Variants in RALGAPA1 observed in about 807,000 individuals in gnomAD.
RALGAPA1 encodes the protein Ral GTPase activating protein catalytic subunit alpha 1.
Under a neutral mutation model 269.6 loss-of-function variants are expected in RALGAPA1, and 52 were observed. The ratio of observed to expected loss-of-function variants is 0.19; its 90% CI spans 0.15 to 0.24. RALGAPA1 has a LOEUF of 0.24. Ranked by LOEUF, RALGAPA1 falls within the 10% of genes least tolerant of loss-of-function variation. RALGAPA1 has a pLI of 1.00. For synonymous variants in RALGAPA1, 817 were observed against 1,008.3 expected (o/e 0.81, Z 3.60); for missense variants, 1,917 against 3,013.9 (o/e 0.64, Z 8.52).
chr14:35,721,776 G>A lies in RALGAPA1; in HGVS notation c.2178C>T (p.Gly726=). Residue 726 remains glycine, a synonymous_variant, in exon 16 of 42, where the codon GGC becomes GGT. Coordinates refer to ENST00000680220, the MANE Select transcript of RALGAPA1 (RefSeq NM_001346249.2). ...FSRGWSRDQP[G]QAPMRQRSAT... ...CACTCCTCTGTCTCATTGGGGCTTGGCCAGGCTGATCACGACTCCATCCTC... is the reference window on the plus strand; with the variant it reads ...CACTCCTCTGTCTCATTGGGGCTTGACCAGGCTGATCACGACTCCATCCTC... The A allele has an allele frequency of 6.2e-7, 1 of 1,612,494 alleles. No homozygotes were observed. Among genetic ancestry groups the A allele is most frequent in the Non-Finnish European group, 8.5e-7 (1 of 1,178,642 alleles).
intron 11 of RALGAPA1, among the ~76,000 whole-genome samples, chr14:35,742,049 T>C (rs751352694): frequency 3.3e-5 from 5 of 152,230 alleles, no homozygotes; most frequent in Non-Finnish European, 7.3e-5. Context: ...TGAAAGTATG[T>C]ATTTTAAAAT....
At chr14:35,597,848 A>C (rs1379455938) in intron 36 of RALGAPA1, among the ~76,000 whole-genome samples, 1 of 152,202 alleles carries the variant, frequency 6.6e-6, no homozygotes, top group African/African-American at 2.4e-5. Flanking sequence ...TCTTTTTGTT[A>C]ATGATTTCAA....
At chr14:35,679,026 G>T (rs895772109) in intron 21 of RALGAPA1, among the ~76,000 whole-genome samples, 1 of 152,140 alleles carries the variant, frequency 6.6e-6, no homozygotes, top group Non-Finnish European at 1.5e-5. Context: ...TATAAACTTT[G>T]TAAGAACAGA....
At chr14:35,563,020 C>CAAAAAAAAAAAAAAAAAAA (rs71445944) in intron 39 of RALGAPA1, among the ~76,000 whole-genome samples, 4 of 37,256 alleles carry the variant, frequency 1.1e-4, no homozygotes, top group African/African-American at 3.6e-4. Context: ...GAGTCCGTCT[C>CAAAAAAAAAAAAAAAAAAA]AAAAAAAAAA....
In RALGAPA1 at chr14:35,647,664, G is replaced by A. The variant is rs141081522; in HGVS notation, c.5676+4141C>T. Reference sequence around the variant, plus strand: ...AGAGAGGAATGTATAATTATAAAGAGGTTTAAGGGCAGGTGTGGTGGCTCA... The same window carrying A: ...AGAGAGGAATGTATAATTATAAAGAAGTTTAAGGGCAGGTGTGGTGGCTCA... On this transcript the variant is annotated intron_variant, in intron 31 of 41. Transcript: ENST00000680220. 4.1e-3 allele frequency among the ~76,000 whole-genome samples: 627 copies of A among 152,234 alleles called. 3 individuals are homozygous for A. The highest frequency in any genetic ancestry group is 0.015 in the African/African-American group (605 of 41,558).
chr14:35,689,355 T>C lies in RALGAPA1; in HGVS notation c.3056A>G (p.Asn1019Ser). 1 of 1,232,328 alleles carries C rather than the reference T, an allele frequency of 8.1e-7. No homozygotes were observed. The highest frequency in any genetic ancestry group is 1.0e-6 in the Non-Finnish European group (1 of 988,102). 76.3% of individuals were successfully genotyped at this position (1,232,328 alleles called of 1,614,324 possible). A position where few individuals can be genotyped will look rare whatever the true frequency, so the allele number is the denominator to read the frequency against. Residue 1019 changes from asparagine to serine, a missense_variant, in exon 18 of 42, where the codon AAT (asparagine) becomes AGT (serine). Asn to Ser is a conservative substitution (Grantham distance 46). Transcript: ENST00000680220. ...KEPNSAVFMS[N>S]IAPNQSDSFF... ...ACTGTCTGACTGGTTAGGTGCGATA[T>C]TACTCATGAAGACAGCTGAGTTTGG...
At chr14:35,654,302 A>T (rs1199629533) in intron 30 of RALGAPA1, 65 bp downstream of exon 30, 10 of 1,434,092 alleles carry the variant, frequency 7.0e-6, no homozygotes. Context: ...TAATTTTACA[A>T]TTCAAAGTAT....
intron 1 of RALGAPA1, among the ~76,000 whole-genome samples, chr14:35,780,264 C>T (rs1465242029): frequency 6.6e-6 from 1 of 152,132 alleles, no homozygotes; most frequent in East Asian, 1.9e-4. Context: ...AAGGAATATA[C>T]ACACAATTCA....
chr14:35,722,170 T>C (rs2069478625), intron 15 of RALGAPA1, among the ~76,000 whole-genome samples: 1 of 152,204 alleles, frequency 6.6e-6, no homozygotes, highest in Non-Finnish European at 1.5e-5. Flanking sequence ...ACCCATCCTG[T>C]GGTGATGATT....
chr14:35,609,226 C>CA lies in RALGAPA1; in HGVS notation c.6930-3518dup, dbSNP rs1230276755. 4.4e-3 allele frequency among the ~76,000 whole-genome samples: 469 copies of CA among 105,852 alleles called. 2 individuals carry two copies. The highest frequency in any genetic ancestry group is 0.011 in the Middle Eastern group (2 of 180). 69.4% of individuals were successfully genotyped at this position (105,852 alleles called of 152,430 possible). On this transcript the variant is annotated intron_variant, in intron 35 of 41. Transcript: ENST00000680220. ...TAGGCGACAGAGCGACACTCCGTCT[C>CA]AAAAAAAAAAAACCAAAAAACAAAA...
chr14:35,557,138 A>G (rs61989598), intron 39 of RALGAPA1, among the ~76,000 whole-genome samples: 3,544 of 74,534 alleles, frequency 0.048, 51 homozygotes, highest in Non-Finnish European at 0.07. Context: ...GTGTGTGTGT[A>G]TATATATTCT....
chr14:35,607,836 A>T (rs1031308186), intron 35 of RALGAPA1, among the ~76,000 whole-genome samples: 28 of 152,344 alleles, frequency 1.8e-4, no homozygotes, highest in African/African-American at 6.5e-4. Flanking sequence ...AGGAAACGAG[A>T]CAGCCAAGAA....
intron 4 of RALGAPA1, among the ~76,000 whole-genome samples, chr14:35,767,903 G>A (rs1412535029): frequency 2.6e-5 from 4 of 151,988 alleles, no homozygotes; most frequent in African/African-American, 9.7e-5. Flanking sequence ...GCCTCCCAAG[G>A]AGCTGGGACG....
intron 1 of RALGAPA1, among the ~76,000 whole-genome samples, chr14:35,781,751 C>T (rs1019212908): frequency 2.0e-5 from 3 of 151,998 alleles, no homozygotes; most frequent in Non-Finnish European, 4.4e-5. Context: ...TCAATAGACA[C>T]AGAAAAAACA....
At chr14:35,782,159 C>T (rs932929639) in intron 1 of RALGAPA1, among the ~76,000 whole-genome samples, 26 of 152,066 alleles carry the variant, frequency 1.7e-4, no homozygotes, top group Admixed American at 5.9e-4. Flanking sequence ...TAAGAAAAAT[C>T]AACTGTATTT....
chr14:35,578,846 C>T (rs753102481), intron 37 of RALGAPA1, among the ~76,000 whole-genome samples: 2 of 152,122 alleles, frequency 1.3e-5, no homozygotes, highest in Non-Finnish European at 2.9e-5. Flanking sequence ...TTGTTAAATG[C>T]CAACAGGCCT....
chr14:35,749,174 TAAGTA>T (rs2072438717), intron 9 of RALGAPA1, among the ~76,000 whole-genome samples: 1 of 152,138 alleles, frequency 6.6e-6, no homozygotes, highest in Non-Finnish European at 1.5e-5. Flanking sequence ...CCTTCAAGAA[TAAGTA>T]AATAACTTAA....
intron 35 of RALGAPA1, among the ~76,000 whole-genome samples, chr14:35,621,168 A>G (rs1238092035): frequency 6.6e-6 from 1 of 152,226 alleles, no homozygotes; most frequent in Non-Finnish European, 1.5e-5. Flanking sequence ...ACAGATATAT[A>G]GACCAACAGA....
chr14:35,755,416 C>T (rs552009930), intron 7 of RALGAPA1, among the ~76,000 whole-genome samples: 5 of 152,202 alleles, frequency 3.3e-5, no homozygotes, highest in African/African-American at 9.6e-5. Context: ...TAAATATATA[C>T]ATTATCTTAA....
Sources: allele counts gnomAD v4.1 joint callset (sites outside exome capture counted in the v4.1 genomes callset), GRCh38; gene constraint gnomAD v4.1.1; transcripts MANE v1.5; gene names NCBI Gene and HGNC (gene_info 2026-07-23, HGNC 2026-07-21).